SEPSECS: variants seen among roughly 807,000 people sequenced by gnomAD.
The protein encoded by SEPSECS is O-phosphoseryl-tRNA(Sec) selenium transferase.
A neutral mutation model predicts 52.1 loss-of-function variants in SEPSECS; 42 were observed. The ratio of observed to expected loss-of-function variants is 0.81; its 90% CI spans 0.63 to 1.04. The LOEUF (loss-of-function observed/expected upper bound fraction) is 1.04, where lower values mean the gene tolerates loss of function less well. Ranked by LOEUF, SEPSECS falls within the 50% of genes least tolerant of loss-of-function variation. The pLI is 0.00. For synonymous variants in SEPSECS, 216 were observed against 211.4 expected, an observed-to-expected ratio of 1.02 and a Z score of -0.19; for missense variants, 590 against 610.6, an observed-to-expected ratio of 0.97 and a Z score of 0.36.
chr4:25,125,987 G>T (rs771229629), intron 9 of SEPSECS, among the ~76,000 whole-genome samples: 4 of 151,940 alleles, frequency 2.6e-5, no homozygotes, highest in Non-Finnish European at 5.9e-5. Flanking sequence ...CTCCAAATAC[G>T]AAACAGAATT....
chr4:25,152,151 A>T (rs1443622424), intron 5 of SEPSECS, 89 bp from the exon 6 acceptor site: 4 of 792,778 alleles, frequency 5.0e-6, no homozygotes, highest in Admixed American at 1.9e-5. Flanking sequence ...TTTAATAGTT[A>T]TCCTTAATGT....
Position 25,160,117 on chromosome 4 carries a change from G to C in SEPSECS, c.114+139C>G, listed in dbSNP as rs935495165. On this transcript the variant is annotated intron_variant, in intron 1 of 10. Coordinates refer to ENST00000382103, the MANE Select transcript of SEPSECS (RefSeq NM_016955.4). ...GGCACAGACCGCAGTCGGTCAGCTA[G>C]GGCAAGCCAAGCTGAGACAGACTTG... 3.4e-6 allele frequency: 5 copies of C among 1,466,758 alleles called. No individual in the cohort carries two copies. In the African/African-American group the frequency reaches 5.7e-5, roughly 17 times the overall value. The allele number at this position is 1,466,758 out of a possible 1,614,324, so 90.9% of individuals were successfully genotyped here. A position where few individuals can be genotyped will look rare whatever the true frequency, so the allele number is the denominator to read the frequency against.
intron 10 of SEPSECS, 77 bp from the exon 11 acceptor site, chr4:25,124,302 G>T (rs951633770): frequency 3.3e-5 from 45 of 1,383,070 alleles, no homozygotes; most frequent in Non-Finnish European, 4.3e-5. Context: ...AAAGATATGT[G>T]TTACAAAGCC....
chr4:25,146,813 C>T (rs976910853), intron 6 of SEPSECS, among the ~76,000 whole-genome samples: 2 of 152,148 alleles, frequency 1.3e-5, no homozygotes, highest in Non-Finnish European at 2.9e-5. Flanking sequence ...TGAATAAAAG[C>T]ATTTATTACC....
chr4:25,137,021 C>T (rs1429370067), intron 8 of SEPSECS, among the ~76,000 whole-genome samples: 3 of 152,006 alleles, frequency 2.0e-5, no homozygotes, highest in Admixed American at 6.6e-5. Flanking sequence ...TATGCAGAAA[C>T]TTGAAACTGA....
At chr4:25,142,859 T>A (rs77856916) in intron 8 of SEPSECS, among the ~76,000 whole-genome samples, 2,159 of 152,360 alleles carry the variant, frequency 0.014, 46 homozygotes, top group African/African-American at 0.049. Flanking sequence ...GAAGTAACTC[T>A]TTTAAGAAAT....
chr4:25,153,948 G>T (rs1712468296), intron 5 of SEPSECS, among the ~76,000 whole-genome samples: 1 of 151,954 alleles, frequency 6.6e-6, no homozygotes. Flanking sequence ...GTATCCACAA[G>T]GATAAATAAT....
At chr4:25,125,565 C>G (rs1383227022) in intron 10 of SEPSECS, 129 bp downstream of exon 10, 1 of 714,680 alleles carries the variant, frequency 1.4e-6, no homozygotes, top group South Asian at 1.5e-5. Flanking sequence ...ACTCATCATT[C>G]TTTACTCCAT....
intron 6 of SEPSECS, among the ~76,000 whole-genome samples, chr4:25,145,875 C>T (rs1006281981): frequency 9.9e-5 from 15 of 152,164 alleles, no homozygotes; most frequent in Non-Finnish European, 2.9e-5. Flanking sequence ...TTTAACATCA[C>T]TTAATGGAAG....
chr4:25,138,758 T>TG (rs754211281), intron 8 of SEPSECS, among the ~76,000 whole-genome samples: 7 of 152,220 alleles, frequency 4.6e-5, no homozygotes, highest in Non-Finnish European at 7.3e-5. Flanking sequence ...AAGTGACCTA[T>TG]GTGCCCCAAA....
chr4:25,150,852 A>G (rs1712256098), intron 6 of SEPSECS, among the ~76,000 whole-genome samples: 1 of 152,058 alleles, frequency 6.6e-6, no homozygotes, highest in Non-Finnish European at 1.5e-5. Context: ...GAAAAAATAC[A>G]AAAAGTTGGC....
chr4:25,125,818 G>T lies in SEPSECS; in HGVS notation c.1121-34C>A, dbSNP rs377253347. 337 of 1,332,482 alleles carry T rather than the reference G, an allele frequency of 2.5e-4. No individual in the cohort carries two copies. In the African/African-American group the frequency reaches 4.6e-3, roughly 18 times the overall value. 82.5% of individuals were successfully genotyped at this position (1,332,482 alleles called of 1,614,324 possible). On this transcript the variant is annotated intron_variant, in intron 9 of 10. Coordinates refer to ENST00000382103, the MANE Select transcript of SEPSECS (RefSeq NM_016955.4). ...GAAAAAAGTATCCTAATAAGCCTTG[G>T]TTTACTGGCATAAAAATCACTCAAA...
At chr4:25,128,084 G>T (rs529932934) in intron 8 of SEPSECS, among the ~76,000 whole-genome samples, 1 of 152,022 alleles carries the variant, frequency 6.6e-6, no homozygotes, top group Non-Finnish European at 1.5e-5. Flanking sequence ...CCCAATCCCA[G>T]TCTCCTTCCA....
chr4:25,144,645 G>C, intron 8 of SEPSECS, 129 bp downstream of exon 8: 1 of 711,180 alleles, frequency 1.4e-6, no homozygotes, highest in Admixed American at 2.2e-5. Flanking sequence ...TTCCAGATCT[G>C]AATAAATACT....
At chr4:25,144,288 C>G (rs1309280963) in intron 8 of SEPSECS, among the ~76,000 whole-genome samples, 2 of 129,338 alleles carry the variant, frequency 1.5e-5, no homozygotes, top group Non-Finnish European at 3.1e-5. Flanking sequence ...TGCAGTGAGC[C>G]AAGATCGTGC....
At chr4:25,159,689 G>A (rs1244343221) in intron 1 of SEPSECS, 1 of 520,646 alleles carries the variant, frequency 1.9e-6, no homozygotes, top group Admixed American at 4.5e-5. Flanking sequence ...GGCGAATGGC[G>A]TGAACCCGGG....
At chr4:25,152,093 T>A in intron 5 of SEPSECS, 31 bp from the exon 6 acceptor site, 1 of 1,212,518 alleles carries the variant, frequency 8.2e-7, no homozygotes, top group South Asian at 1.2e-5. Flanking sequence ...TAGAAAGACA[T>A]ACTCACACTG....
rs777618147 is a variant in SEPSECS at position 25,158,983 on chromosome 4, G to C, written c.239C>G (p.Ala80Gly). 6.2e-7 allele frequency: 1 copy of C among 1,613,878 alleles called. No homozygotes were observed. Among genetic ancestry groups the C allele is most frequent in the Non-Finnish European group, 8.5e-7 (1 of 1,179,832 alleles). Residue 80 changes from alanine (A) to glycine (G), a missense_variant, in exon 2 of 11, where the codon GCA becomes GGA. By Grantham distance (60) the Ala-to-Gly change is moderately conservative. Coordinates refer to ENST00000382103, the MANE Select transcript of SEPSECS (RefSeq NM_016955.4). ...ATGACGACGAGCAACCAGTGCGGAT[G>C]CCACTCTCCCTTCCCTTTCTCCCAC... is the stretch of plus-strand genomic sequence containing the variant. ...CGVGEREGRVASALVARRHYR... is the reference protein window; with the variant it reads ...CGVGEREGRVGSALVARRHYR...
chr4:25,127,749 G>A (rs931181434), intron 8 of SEPSECS, among the ~76,000 whole-genome samples: 3 of 152,154 alleles, frequency 2.0e-5, no homozygotes, highest in Non-Finnish European at 4.4e-5. Context: ...AGAGACTAGA[G>A]AGGTCTTTCA....
Sources: gnomAD v4.1 joint callset for allele counts (sites outside exome capture counted in the v4.1 genomes callset) on GRCh38, gnomAD v4.1.1 for gene constraint, MANE v1.5 for transcripts, NCBI Gene and HGNC (gene_info 2026-07-23, HGNC 2026-07-21) for gene names.